RCL1: variants seen among roughly 807,000 people sequenced by gnomAD.
RCL1 encodes RNA 3'-terminal phosphate cyclase-like protein.
In RCL1, 24 loss-of-function variants were observed where a neutral mutation model predicts 42.4. The observed-to-expected ratio is 0.57, with a 90% CI of 0.41 to 0.80. The LOEUF is 0.80. Ranked by LOEUF, RCL1 falls within the 30% of genes least tolerant of loss-of-function variation. The pLI is 0.00. For synonymous variants in RCL1, 228 were observed against 177.3 expected (o/e 1.29, Z -2.27); for missense variants, 578 against 467.9 (o/e 1.24, Z -2.17).
intron 8 of RCL1, among the ~76,000 whole-genome samples, chr9:4,859,897 C>G (rs549445620): frequency 2.0e-5 from 3 of 152,182 alleles, no homozygotes; most frequent in Non-Finnish European, 4.4e-5. Flanking sequence ...CTTTCCCCCC[C>G]CAGTTTAATT....
intron 1 of RCL1, among the ~76,000 whole-genome samples, chr9:4,811,482 A>G (rs376864954): frequency 6.6e-6 from 1 of 151,774 alleles, no homozygotes; most frequent in Non-Finnish European, 1.5e-5. Context: ...TTGCTATGGG[A>G]TCAACTTTTT....
At chr9:4,845,711 A>T (rs189038335) in intron 7 of RCL1, among the ~76,000 whole-genome samples, 2 of 152,184 alleles carry the variant, frequency 1.3e-5, no homozygotes, top group African/African-American at 4.8e-5. Context: ...GCTCTGAAGG[A>T]TGGTCGTTTC....
At position 4,792,986 on chromosome 9, in the gene RCL1, C is replaced by T. The variant is rs976276300; in HGVS notation, c.-106C>T. 17 of 1,349,132 alleles carry T rather than the reference C, an allele frequency of 1.3e-5. No homozygotes were observed. In the African/African-American group the frequency reaches 1.7e-4, roughly 13 times the overall value. 83.6% of individuals were successfully genotyped at this position (1,349,132 alleles called of 1,614,324 possible). On this transcript the variant is annotated 5_prime_UTR_variant, in exon 1 of 9. Transcript: ENST00000381750. ...CTGGGCTGCTGGAGGCAGCCCGAGC[C>T]GCCGCCGTCGGTGTCGCCGCCACCA...
intron 8 of RCL1, among the ~76,000 whole-genome samples, chr9:4,856,764 A>G (rs1817976137): frequency 6.6e-6 from 1 of 152,236 alleles, no homozygotes; most frequent in South Asian, 2.1e-4. Flanking sequence ...AAGGAAAGCA[A>G]GGAATTGGGG....
intron 1 of RCL1, among the ~76,000 whole-genome samples, chr9:4,818,439 A>C (rs547544649): frequency 3.3e-5 from 5 of 152,330 alleles, no homozygotes; most frequent in African/African-American, 1.2e-4. Context: ...ATAAACATAC[A>C]TATTTGCAAG....
At chr9:4,852,819 A>T (rs1408084844) in intron 8 of RCL1, among the ~76,000 whole-genome samples, 3 of 150,568 alleles carry the variant, frequency 2.0e-5, no homozygotes, top group Non-Finnish European at 4.4e-5. Flanking sequence ...CCCCAGAGGC[A>T]GTGTGGCTAG....
At chr9:4,806,151 A>AT (rs1815953571) in intron 1 of RCL1, among the ~76,000 whole-genome samples, 1 of 147,928 alleles carries the variant, frequency 6.8e-6, no homozygotes, top group South Asian at 2.1e-4. Flanking sequence ...CTTGGAATTT[A>AT]TTTTCTGTGT....
intron 1 of RCL1, among the ~76,000 whole-genome samples, chr9:4,798,087 C>A (rs79423976): frequency 0.043 from 6,547 of 152,190 alleles, 201 homozygotes; most frequent in East Asian, 0.087. Flanking sequence ...TGAAGACAAA[C>A]GTGTAGTGAG....
chr9:4,846,954 T>C (rs903275922), intron 7 of RCL1, among the ~76,000 whole-genome samples: 6 of 151,438 alleles, frequency 4.0e-5, no homozygotes, highest in African/African-American at 1.5e-4. Context: ...GACGTGATCT[T>C]GGCTCACTGC....
intron 3 of RCL1, among the ~76,000 whole-genome samples, chr9:4,831,559 C>T (rs555908634): frequency 6.6e-6 from 1 of 152,320 alleles, no homozygotes; most frequent in East Asian, 1.9e-4. Context: ...TCACCAAAGC[C>T]TTGAAGTCCT....
intron 8 of RCL1, among the ~76,000 whole-genome samples, chr9:4,854,295 G>A (rs1817857971): frequency 6.6e-6 from 1 of 152,180 alleles, no homozygotes; most frequent in African/African-American, 2.4e-5. Flanking sequence ...GCAGAGGTCA[G>A]CTTGTCTTTG....
intron 3 of RCL1, 130 bp downstream of exon 3, chr9:4,827,163 A>G: frequency 6.4e-7 from 1 of 1,552,588 alleles, no homozygotes; most frequent in East Asian, 2.4e-5. Context: ...ATTTACTTTG[A>G]GATTTAGAGG....
At chr9:4,855,993 G>C (rs1182526344) in intron 8 of RCL1, among the ~76,000 whole-genome samples, 1 of 152,196 alleles carries the variant, frequency 6.6e-6, no homozygotes, top group Non-Finnish European at 1.5e-5. Context: ...ACAGTTGAGT[G>C]ATTCAGAGTG....
At chr9:4,852,015 G>T (rs2129722860) in intron 8 of RCL1, among the ~76,000 whole-genome samples, 1 of 152,056 alleles carries the variant, frequency 6.6e-6, no homozygotes, top group Non-Finnish European at 1.5e-5. Context: ...CCGAGTAGCT[G>T]GGACTACAGG....
At chr9:4,823,807 G>T (rs1015853971) in intron 2 of RCL1, among the ~76,000 whole-genome samples, 188 bp downstream of exon 2, 8 of 151,484 alleles carry the variant, frequency 5.3e-5, no homozygotes, top group African/African-American at 1.9e-4. Context: ...CATTAAATTA[G>T]AATTTTGGGG....
In RCL1 at chr9:4,836,221, A is replaced by G. The variant is rs73639229; in HGVS notation, c.584+1956A>G. ...TATATCCAGTGGCAGTTGGCAGCCT[A>G]GAGGGAGGAGTAGAGAACGTGGGAG... On this transcript the variant is annotated intron_variant, in intron 5 of 8. Transcript: ENST00000381750. 9.5e-3 allele frequency among the ~76,000 whole-genome samples: 1,445 copies of G among 152,284 alleles called. 19 individuals carry two copies. The highest frequency in any genetic ancestry group is 0.033 in the African/African-American group (1,361 of 41,556).
chr9:4,803,973 G>C (rs186264879), intron 1 of RCL1: 248 of 152,604 alleles, frequency 1.6e-3, no homozygotes, highest in African/African-American at 5.8e-3. Context: ...GTGTAGGTTT[G>C]CGGTGTTTCT....
intron 6 of RCL1, 67 bp downstream of exon 6, chr9:4,841,424 A>G: frequency 7.7e-7 from 1 of 1,304,104 alleles, no homozygotes; most frequent in Admixed American, 1.8e-5. Flanking sequence ...GTTGAAGTTA[A>G]AACTGCCAGC....
At chr9:4,835,344 A>C (rs941114092) in intron 5 of RCL1, among the ~76,000 whole-genome samples, 2 of 152,164 alleles carry the variant, frequency 1.3e-5, no homozygotes, top group Non-Finnish European at 2.9e-5. Flanking sequence ...TCAGGTCAGC[A>C]CTTTAAAAGG....
Sources: allele counts gnomAD v4.1 joint callset (sites outside exome capture counted in the v4.1 genomes callset), GRCh38; gene constraint gnomAD v4.1.1; transcripts MANE v1.5; gene names NCBI Gene and HGNC (gene_info 2026-07-23, HGNC 2026-07-21).